The following PTN variants were observed in gnomAD, a reference collection of about 807,000 sequenced individuals.
The protein encoded by PTN is heparin affin regulatory protein.
In PTN, 18 loss-of-function variants were observed where a neutral mutation model predicts 24.1. That is an observed-to-expected ratio of 0.75 (90% confidence interval 0.52 to 1.11). The LOEUF (loss-of-function observed/expected upper bound fraction) is 1.11. Among genes scored for constraint, PTN ranks in the 50% least tolerant of loss-of-function variants. PTN has a pLI of 0.00. For missense variants in PTN, 163 were observed against 198.8 expected (o/e 0.82, Z 1.08); for synonymous variants, 78 against 68.6 (o/e 1.14, Z -0.67).
rs114938048 is a variant in PTN at position 137,295,522 on chromosome 7, G to A, written c.-1-40548C>T. On this transcript the variant is annotated intron_variant, in intron 1 of 4. Coordinates refer to ENST00000348225, the MANE Select transcript of PTN (RefSeq NM_002825.7). ...TGAATACTTAAAATGTGGCTAGTCC[G>A]AATGGAGACATGGTGTAAGTGTAAA... Among the ~76,000 whole-genome samples, 1,491 of 151,994 alleles carry A rather than the reference G, an allele frequency of 9.8e-3. 21 individuals carry two copies. The highest frequency in any genetic ancestry group is 0.034 in the African/African-American group (1,421 of 41,472).
intron 2 of PTN, among the ~76,000 whole-genome samples, chr7:137,254,643 T>C (rs760406365): frequency 6.6e-6 from 1 of 152,066 alleles, no homozygotes; most frequent in Non-Finnish European, 1.5e-5. Flanking sequence ...TTAATGATCA[T>C]CATCGTCATG....
chr7:137,343,376 C>T (rs1255114790), intron 1 of PTN, 63 bp downstream of exon 1: 1 of 435,808 alleles, frequency 2.3e-6, no homozygotes, highest in East Asian at 6.5e-5. Flanking sequence ...AGAAAAGTGG[C>T]ACAGGGTGAA....
intron 1 of PTN, among the ~76,000 whole-genome samples, chr7:137,312,361 C>T (rs188027288): frequency 1.6e-4 from 24 of 152,246 alleles, no homozygotes; most frequent in African/African-American, 5.5e-4. Context: ...TGACAGAGAG[C>T]AGGTAAATGA....
chr7:137,271,949 C>G (rs995373866), intron 1 of PTN, among the ~76,000 whole-genome samples: 1 of 152,192 alleles, frequency 6.6e-6, no homozygotes, highest in Non-Finnish European at 1.5e-5. Flanking sequence ...ACACAGCAGA[C>G]CCATAATATC....
At chr7:137,318,401 C>G (rs1438496526) in intron 1 of PTN, among the ~76,000 whole-genome samples, 1 of 152,190 alleles carries the variant, frequency 6.6e-6, no homozygotes, top group East Asian at 1.9e-4. Context: ...CCAGAGACTT[C>G]AGAGCAGAAA....
chr7:137,257,850 T>C (rs1585016076), intron 1 of PTN, among the ~76,000 whole-genome samples: 2 of 152,190 alleles, frequency 1.3e-5, no homozygotes, highest in East Asian at 3.9e-4. Context: ...AGCCATGGGA[T>C]GCTCATCCAT....
At chr7:137,273,663 T>C (rs192779367) in intron 1 of PTN, among the ~76,000 whole-genome samples, 1 of 152,030 alleles carries the variant, frequency 6.6e-6, no homozygotes, top group African/African-American at 2.4e-5. Context: ...CAAGAAACAG[T>C]GGATGGACCT....
At chr7:137,228,102 AAG>A (rs752868770) in intron 4 of PTN, 27 bp from the exon 5 acceptor site, 8 of 1,369,612 alleles carry the variant, frequency 5.8e-6, no homozygotes, top group Non-Finnish European at 8.2e-6. Context: ...GAGAGACAGA[AAG>A]AGAGAAAGAG....
chr7:137,240,527 C>T (rs1808610710), intron 4 of PTN, among the ~76,000 whole-genome samples: 1 of 152,118 alleles, frequency 6.6e-6, no homozygotes, highest in Admixed American at 6.5e-5. Flanking sequence ...GCTGAAAGAA[C>T]AGTAGAAATG....
chr7:137,308,840 T>C (rs545974240), intron 1 of PTN, among the ~76,000 whole-genome samples: 2 of 152,274 alleles, frequency 1.3e-5, no homozygotes, highest in Non-Finnish European at 2.9e-5. Flanking sequence ...CTAAACTTAC[T>C]TGGTTTCCCT....
chr7:137,233,828 A>T (rs948012358), intron 4 of PTN, among the ~76,000 whole-genome samples: 1 of 151,666 alleles, frequency 6.6e-6, no homozygotes, highest in African/African-American at 2.4e-5. Context: ...CATTCTTCTT[A>T]AAAAATATTA....
At chr7:137,261,382 CAT>C (rs1809034925) in intron 1 of PTN, among the ~76,000 whole-genome samples, 1 of 152,060 alleles carries the variant, frequency 6.6e-6, no homozygotes, top group Admixed American at 6.6e-5. Flanking sequence ...ATTACATAAA[CAT>C]TAGTCTCATG....
intron 1 of PTN, among the ~76,000 whole-genome samples, chr7:137,338,162 C>G (rs764539751): frequency 6.6e-6 from 1 of 151,862 alleles, no homozygotes; most frequent in Non-Finnish European, 1.5e-5. Flanking sequence ...ATTTCCGACT[C>G]AAGATTTCAC....
intron 1 of PTN, among the ~76,000 whole-genome samples, chr7:137,304,116 A>G (rs1158005591): frequency 1.3e-5 from 2 of 152,010 alleles, no homozygotes; most frequent in Non-Finnish European, 1.5e-5. Flanking sequence ...ACCAAACACT[A>G]TCTTAAAAAA....
rs545338752 is a variant in PTN at position 137,236,389 on chromosome 7, T to C, written c.452-8314A>G. On this transcript the variant is annotated intron_variant, in intron 4 of 4. Transcript: ENST00000348225. Reference sequence around the variant, plus strand: ...ATCAGTCCCTGATCTGACCCATACATACATGTATACCAAGTAGAAAATTGT... The same window carrying C: ...ATCAGTCCCTGATCTGACCCATACACACATGTATACCAAGTAGAAAATTGT... 6 of 615,552 alleles carry C rather than the reference T, an allele frequency of 9.7e-6. No homozygotes were observed. In the Admixed American group the frequency reaches 1.6e-4, roughly 17 times the overall value. 38.1% of individuals were successfully genotyped at this position (615,552 alleles called of 1,614,324 possible). A position where few individuals can be genotyped will look rare whatever the true frequency, so the allele number is the denominator to read the frequency against.
intron 1 of PTN, among the ~76,000 whole-genome samples, chr7:137,288,184 T>G (rs1445072257): frequency 1.3e-5 from 2 of 152,144 alleles, no homozygotes; most frequent in Non-Finnish European, 2.9e-5. Context: ...TCAAAGTGAG[T>G]CTTAATAAAT....
At chr7:137,327,918 T>C (rs550427930) in intron 1 of PTN, among the ~76,000 whole-genome samples, 1 of 152,302 alleles carries the variant, frequency 6.6e-6, no homozygotes, top group South Asian at 2.1e-4. Context: ...TAAGGATATA[T>C]GAGAGGTTCT....
rs568819566 is a variant in PTN, at chr7:137,334,445, C to T, written c.-2+8994G>A. ...CAGCCAAAAAACACATGAAAAAATG[C>T]TCACCATCACTGGCCATCAGAGAAA... On this transcript the variant is annotated intron_variant, in intron 1 of 4. Transcript: ENST00000348225. Among the ~76,000 whole-genome samples, 3 of 86,498 alleles carry T rather than the reference C, an allele frequency of 3.5e-5. No individual in the cohort carries two copies. The East Asian group carries it at 9.1e-4, about 26-fold the overall frequency. 56.7% of individuals were successfully genotyped at this position (86,498 alleles called of 152,430 possible).
Position 137,341,876 on chromosome 7 carries a change from A to T in PTN, c.-2+1563T>A, listed in dbSNP as rs1031946017. The stretch of plus-strand genomic sequence containing the variant: ...TTTTTTTTAAATAATATAATTTTTT[A>T]AAATCTCATCTTCTAATTTAAATGA... On this transcript the variant is annotated intron_variant, in intron 1 of 4. Coordinates refer to ENST00000348225, the MANE Select transcript of PTN (RefSeq NM_002825.7). Among the ~76,000 whole-genome samples, 4 of 152,124 alleles carry T rather than the reference A, an allele frequency of 2.6e-5. No individual in the cohort carries two copies. In the East Asian group the frequency reaches 5.8e-4, roughly 22 times the overall value.
Sources: allele counts gnomAD v4.1 joint callset (sites outside exome capture counted in the v4.1 genomes callset), GRCh38; gene constraint gnomAD v4.1.1; transcripts MANE v1.5; gene names NCBI Gene and HGNC (gene_info 2026-07-23, HGNC 2026-07-21).